The following DNMBP variants were observed in gnomAD, a reference collection of about 807,000 sequenced individuals.
The protein encoded by DNMBP is dynamin-binding protein.
DNMBP carries 87 observed loss-of-function variants against 150.0 expected under a neutral mutation model. The observed-to-expected ratio is 0.58, with a 90% confidence interval of 0.49 to 0.69. The LOEUF (loss-of-function observed/expected upper bound fraction) is 0.69. Among genes scored for constraint, DNMBP ranks in the 30% least tolerant of loss-of-function variants. The pLI is 0.00. For missense variants in DNMBP, 1,774 were observed against 1,949.0 expected (o/e 0.91, Z 1.69); for synonymous variants, 711 against 750.4 (o/e 0.95, Z 0.86).
At chr10:99,886,980 T>C (rs930245299) in intron 12 of DNMBP, among the ~76,000 whole-genome samples, 1 of 152,238 alleles carries the variant, frequency 6.6e-6, no homozygotes, top group Admixed American at 6.5e-5. Context: ...ACATTTATTA[T>C]GTGTACATGT....
rs200530625 is a variant in DNMBP at position 99,879,911 on chromosome 10, T to C, written c.4448A>G (p.Asn1483Ser). 3.2e-4 allele frequency: 512 copies of C among 1,614,230 alleles called. 3 individuals are homozygous for C. In the South Asian group the frequency reaches 5.2e-3, roughly 16 times the overall value. ...EIVGYSVPGRNGQSQDLVKGC... is the reference protein window; with the variant it reads ...EIVGYSVPGRSGQSQDLVKGC... ...TTTGACGAGGTCTTGACTTTGCCCA[T>C]TTCGTCCTGGTACGGAGTAGCCAAC... The change falls in exon 16 of 17, where the codon AAT becomes AGT. Residue 1483 changes from asparagine (N) to serine (S), a missense_variant. This residue lies in a region of DNMBP where 1,430 missense variants were observed against 1,492.5 expected (regional missense o/e 0.96). Coordinates refer to ENST00000324109, the MANE Select transcript of DNMBP (RefSeq NM_015221.4).
chr10:99,965,642 T>C (rs567404857), intron 3 of DNMBP, among the ~76,000 whole-genome samples: 29 of 152,042 alleles, frequency 1.9e-4, no homozygotes, highest in South Asian at 4.2e-4. Flanking sequence ...CAATTACAGG[T>C]ATGCACCATC....
intron 6 of DNMBP, among the ~76,000 whole-genome samples, chr10:99,906,016 G>A (rs1343161435): frequency 6.6e-6 from 1 of 152,216 alleles, no homozygotes; most frequent in African/African-American, 2.4e-5. Context: ...GCTGTCTATT[G>A]TAGAGAACAA....
At chr10:99,890,467 T>C (rs1186742120) in intron 11 of DNMBP, among the ~76,000 whole-genome samples, 3 of 152,184 alleles carry the variant, frequency 2.0e-5, no homozygotes, top group Admixed American at 2.0e-4. Context: ...CAACCCAAAA[T>C]GTATCAGTCA....
intron 4 of DNMBP, among the ~76,000 whole-genome samples, chr10:99,951,260 G>C (rs1409080109): frequency 6.6e-6 from 1 of 152,246 alleles, no homozygotes; most frequent in African/African-American, 2.4e-5. Context: ...TGGATGTCCA[G>C]GCAGAAGTTT....
At chr10:99,980,605 C>A (rs974321454) in intron 1 of DNMBP, among the ~76,000 whole-genome samples, 1 of 151,154 alleles carries the variant, frequency 6.6e-6, no homozygotes, top group African/African-American at 2.4e-5. Context: ...CCCAGAAGGG[C>A]AACATAGTGA....
Position 99,941,400 on chromosome 10 carries a change from C to T in DNMBP, c.2260+13814G>A, listed in dbSNP as rs2040299231. Among the ~76,000 whole-genome samples the T allele has an allele frequency of 2.0e-5, 3 of 152,054 alleles. No individual in the cohort carries two copies. The South Asian group carries it at 6.2e-4, about 32-fold the overall frequency. On this transcript the variant is annotated intron_variant, in intron 4 of 16. Coordinates refer to ENST00000324109, the MANE Select transcript of DNMBP (RefSeq NM_015221.4). ...GATATGACCAGAAATGTGGTTGCTA[C>T]TTGCAACTCTAATCCTTCCAGTTGC...
Position 99,886,607 on chromosome 10 carries a change from A to G in DNMBP, c.3311T>C (p.Ile1104Thr), listed in dbSNP as rs1272608773. ...GCTCAGTAACTGATTTAAGGGGGAG[A>G]TGACAAGCCGCTCTGTCCTCTCCTT... ...NFKERTERLVISPLNQLLSMF... is the reference protein window; with the variant it reads ...NFKERTERLVTSPLNQLLSMF... The change falls in exon 13 of 17, where the codon ATC becomes ACC. Residue 1104 changes from isoleucine (I) to threonine (T), a missense_variant. By Grantham distance (89) the Ile-to-Thr change is moderately conservative. Around this residue, in one of 2 missense-constraint regions of DNMBP, gnomAD observed 1,430 missense variants for 1,492.5 expected, o/e 0.96. Coordinates refer to ENST00000324109, the MANE Select transcript of DNMBP (RefSeq NM_015221.4). 6.2e-7 allele frequency: 1 copy of G among 1,613,848 alleles called. No individual in the cohort carries two copies. Among genetic ancestry groups the G allele is most frequent in the South Asian group, 1.1e-5 (1 of 91,062 alleles).
intron 6 of DNMBP, among the ~76,000 whole-genome samples, chr10:99,902,642 TG>T (rs1469533621): frequency 8.1e-6 from 1 of 123,676 alleles, no homozygotes; most frequent in African/African-American, 2.9e-5. Context: ...AAAAAAAAAT[TG>T]TTGGCTGGAC....
intron 1 of DNMBP, among the ~76,000 whole-genome samples, chr10:99,984,544 C>T (rs1306201039): frequency 6.6e-6 from 1 of 152,164 alleles, no homozygotes; most frequent in East Asian, 1.9e-4. Context: ...TGTAAAAACA[C>T]GCAGTTTTTA....
intron 6 of DNMBP, among the ~76,000 whole-genome samples, chr10:99,905,102 T>A (rs2039806086): frequency 6.6e-6 from 1 of 151,918 alleles, no homozygotes; most frequent in Non-Finnish European, 1.5e-5. Context: ...CAGAGATACT[T>A]ATTTCAAGTG....
At chr10:99,892,233 G>A (rs2039582983) in intron 11 of DNMBP, among the ~76,000 whole-genome samples, 2 of 150,398 alleles carry the variant, frequency 1.3e-5, no homozygotes, top group Admixed American at 6.6e-5. Flanking sequence ...GCCTCTGCCC[G>A]GCCACCACCC....
chr10:99,877,184 G>A lies in DNMBP; in HGVS notation c.4701C>T (p.Pro1567=), dbSNP rs1475257442. 2.5e-6 allele frequency: 4 copies of A among 1,612,602 alleles called. No homozygotes were observed. The African/African-American group carries it at 5.3e-5, about 22-fold the overall frequency. The change falls in exon 17 of 17, where the codon CCC becomes CCT. Residue 1567 remains proline (P), a synonymous_variant. Transcript: ENST00000324109. The part of the protein sequence containing the change: ...AEVNGKKGYV[P]SNYIRKTEYT Reference sequence around the variant, plus strand: ...ACTCGGTTTTGCGGATATAATTGGAGGGAACGTAGCCCTTCTTCCCGTTAA... The same window carrying A: ...ACTCGGTTTTGCGGATATAATTGGAAGGAACGTAGCCCTTCTTCCCGTTAA...
chr10:99,991,892 C>T (rs534279235), intron 1 of DNMBP, among the ~76,000 whole-genome samples: 3 of 135,830 alleles, frequency 2.2e-5, no homozygotes, highest in Non-Finnish European at 4.6e-5. Context: ...GGTGACAGAG[C>T]GAGACTCCAC....
Position 99,900,028 on chromosome 10 carries a change from T to C in DNMBP, c.2593A>G (p.Thr865Ala). 6.2e-7 allele frequency: 1 copy of C among 1,614,158 alleles called. No individual in the cohort carries two copies. Among genetic ancestry groups the C allele is most frequent in the Non-Finnish European group, 8.5e-7 (1 of 1,180,034 alleles). ...FLGHRDELEG[T>A]YKIYCQNHDE... Reference sequence around the variant, plus strand: ...TGATTCTGGCAGTAAATCTTGTATGTTCCCTCAAGCTCATCCCGGTGACCA... The same window carrying C: ...TGATTCTGGCAGTAAATCTTGTATGCTCCCTCAAGCTCATCCCGGTGACCA... The change falls in exon 7 of 17, where the codon ACA becomes GCA. Residue 865 changes from threonine to alanine, a missense_variant. Coordinates refer to ENST00000324109, the MANE Select transcript of DNMBP (RefSeq NM_015221.4).
chr10:99,926,532 T>C (rs1291212220), intron 4 of DNMBP, among the ~76,000 whole-genome samples: 1 of 152,090 alleles, frequency 6.6e-6, no homozygotes, highest in Non-Finnish European at 1.5e-5. Context: ...CTGTCTCCAG[T>C]CCTCCCCTCA....
chr10:99,941,821 C>G (rs1211711620), intron 4 of DNMBP, among the ~76,000 whole-genome samples: 1 of 152,184 alleles, frequency 6.6e-6, no homozygotes, highest in East Asian at 1.9e-4. Flanking sequence ...CCTACTGGCT[C>G]TAACTCAAAA....
intron 1 of DNMBP, 133 bp from the exon 2 acceptor site, chr10:99,972,267 G>A (rs1241030253): frequency 2.5e-6 from 2 of 804,212 alleles, no homozygotes; most frequent in Non-Finnish European, 3.7e-6. Context: ...AAATAAGTTA[G>A]TACTTCCTAT....
intron 1 of DNMBP, among the ~76,000 whole-genome samples, chr10:99,993,447 T>C (rs1007855179): frequency 2.0e-5 from 3 of 152,228 alleles, no homozygotes; most frequent in South Asian, 2.1e-4. Context: ...ATGTGAATTG[T>C]ATCTCAATTT....
Sources: allele counts gnomAD v4.1 joint callset (sites outside exome capture counted in the v4.1 genomes callset), GRCh38; gene constraint gnomAD v4.1.1; regional missense constraint gnomAD v4.1.1; transcripts MANE v1.5; gene names NCBI Gene and HGNC (gene_info 2026-07-23, HGNC 2026-07-21).